TSHZ3: variants seen among roughly 807,000 people sequenced by gnomAD.
TSHZ3 encodes the protein teashirt zinc finger homeobox 3, also known as teashirt homolog 3.
Under a neutral mutation model 64.5 loss-of-function variants are expected in TSHZ3, and 10 were observed. The observed-to-expected ratio is 0.16, with a 90% CI of 0.10 to 0.26. The LOEUF (loss-of-function observed/expected upper bound fraction) is 0.26, where lower values mean the gene tolerates loss of function less well. Among genes scored for constraint, TSHZ3 ranks in the 10% least tolerant of loss-of-function variants. TSHZ3 has a pLI of 1.00. For synonymous variants in TSHZ3, 608 were observed against 593.1 expected (o/e 1.03, Z -0.36); for missense variants, 1,242 against 1,421.7 (o/e 0.87, Z 2.03).
chr19:31,350,008 A>G (rs891488716), upstream of TSHZ3, among the ~76,000 whole-genome samples: 8 of 124,264 alleles, frequency 6.4e-5, no homozygotes, highest in African/African-American at 2.4e-4. Context: ...GCGCGGCGCC[A>G]GCCCCGCCGA....
At chr19:31,294,194 C>T (rs1976624688) in intron 1 of TSHZ3, among the ~76,000 whole-genome samples, 1 of 152,192 alleles carries the variant, frequency 6.6e-6, no homozygotes, top group South Asian at 2.1e-4. Flanking sequence ...AAGTGACCTT[C>T]TTAAGGTCTG....
intron 3 of TSHZ3, among the ~76,000 whole-genome samples, chr19:31,232,255 G>A (rs767388970): frequency 6.6e-6 from 1 of 152,076 alleles, no homozygotes; most frequent in Non-Finnish European, 1.5e-5. Context: ...AGAGAATCGA[G>A]GACATGTTTG....
intron 1 of TSHZ3, among the ~76,000 whole-genome samples, chr19:31,288,863 A>AT (rs1976512045): frequency 6.6e-6 from 1 of 151,934 alleles, no homozygotes; most frequent in South Asian, 2.1e-4. Context: ...TCTGCATTGG[A>AT]TTTTTCTCTG....
At chr19:31,176,606 T>C (rs533645035) in intron 5 of TSHZ3, among the ~76,000 whole-genome samples, 5 of 152,100 alleles carry the variant, frequency 3.3e-5, no homozygotes, top group Admixed American at 2.0e-4. Flanking sequence ...CTGGGCAACA[T>C]AGCAAGACTC....
chr19:31,240,143 C>A (rs1975668952), intron 3 of TSHZ3, among the ~76,000 whole-genome samples: 1 of 151,996 alleles, frequency 6.6e-6, no homozygotes, highest in South Asian at 2.1e-4. Context: ...GTGCTCCTTA[C>A]AATTGTTTTC....
At chr19:31,260,087 T>G (rs1463804016) in intron 1 of TSHZ3, among the ~76,000 whole-genome samples, 1 of 152,178 alleles carries the variant, frequency 6.6e-6, no homozygotes, top group African/African-American at 2.4e-5. Flanking sequence ...AGGGCAGACA[T>G]GGGCCTCCTG....
chr19:31,238,049 G>A (rs1034171080), intron 3 of TSHZ3, among the ~76,000 whole-genome samples: 2 of 152,096 alleles, frequency 1.3e-5, no homozygotes, highest in African/African-American at 4.8e-5. Flanking sequence ...ATGTGCATTT[G>A]AAAATAATAC....
At chr19:31,165,496 T>C (rs1417228862) in intron 5 of TSHZ3, among the ~76,000 whole-genome samples, 1 of 152,186 alleles carries the variant, frequency 6.6e-6, no homozygotes, top group African/African-American at 2.4e-5. Flanking sequence ...ACAGATTGGA[T>C]GTAAACGAAG....
intron 5 of TSHZ3, among the ~76,000 whole-genome samples, chr19:31,180,721 C>T (rs142566648): frequency 1.2e-4 from 19 of 152,228 alleles, no homozygotes; most frequent in African/African-American, 4.3e-4. Flanking sequence ...TTCATACATG[C>T]GAGATGCTGA....
chr19:31,286,002 C>G (rs1268991489), intron 1 of TSHZ3, among the ~76,000 whole-genome samples: 2 of 152,052 alleles, frequency 1.3e-5, no homozygotes, highest in Non-Finnish European at 2.9e-5. Context: ...CAGAAGTGAT[C>G]AGGGACTAGC....
In TSHZ3 at chr19:31,277,673, G is replaced by T; in HGVS notation, c.2120C>A (p.Ala707Asp). Residue 707 changes from alanine to aspartate, a missense_variant, in exon 2 of 2, where the codon GCC (alanine) becomes GAC (aspartate). Around this residue, in one of 4 missense-constraint regions of TSHZ3, gnomAD observed 550 missense variants for 545.1 expected, o/e 1.01. Coordinates refer to ENST00000240587, the MANE Select transcript of TSHZ3 (RefSeq NM_020856.4). The surrounding 1 kb of genome is among the most constrained non-coding windows in gnomAD (Gnocchi z 4.5). ...PLASSLSGST[A>D]IITDHPPEQP... ...TTCAGGCGGGTGGTCGGTGATGATG[G>T]CCGTGCTGCCACTCAAACTGCTGGC... 6.5e-7 allele frequency: 1 copy of T among 1,528,486 alleles called. No individual in the cohort carries two copies. The highest frequency in any genetic ancestry group is 2.1e-5 in the Admixed American group (1 of 46,574). 94.7% of individuals were successfully genotyped at this position (1,528,486 alleles called of 1,614,324 possible).
At chr19:31,186,294 C>T (rs73031844) in intron 5 of TSHZ3, among the ~76,000 whole-genome samples, 16,799 of 152,124 alleles carry the variant, frequency 0.11, 1,202 homozygotes, top group Non-Finnish European at 0.17. Context: ...AGTTGTAGTT[C>T]CCATAATCCC....
At chr19:31,152,602 C>T (rs533157079) in intron 6 of TSHZ3, among the ~76,000 whole-genome samples, 83 of 152,214 alleles carry the variant, frequency 5.5e-4, no homozygotes, top group Non-Finnish European at 9.6e-4. Context: ...TGCCAGAGCT[C>T]TAGGGCCCTG....
At chr19:31,157,374 A>G (rs1284946051) in intron 5 of TSHZ3, among the ~76,000 whole-genome samples, 2 of 152,204 alleles carry the variant, frequency 1.3e-5, no homozygotes, top group Non-Finnish European at 2.9e-5. Flanking sequence ...ATAAAGTTGT[A>G]TTAGAAGATA....
At chr19:31,326,099 A>G (rs976490388) in intron 1 of TSHZ3, among the ~76,000 whole-genome samples, 1 of 152,262 alleles carries the variant, frequency 6.6e-6, no homozygotes, top group Non-Finnish European at 1.5e-5. Context: ...TAAACTGCAG[A>G]TATCCAAAGT....
At chr19:31,179,824 A>ATGG (rs1018359909) in intron 5 of TSHZ3, among the ~76,000 whole-genome samples, 4 of 99,184 alleles carry the variant, frequency 4.0e-5, no homozygotes, top group East Asian at 2.6e-4. Context: ...GGTGGTGATG[A>ATGG]TGGAGGTGGT....
chr19:31,191,281 A>G (rs2145138010), intron 5 of TSHZ3, among the ~76,000 whole-genome samples: 1 of 152,378 alleles, frequency 6.6e-6, no homozygotes, highest in African/African-American at 2.4e-5. Context: ...AAAAAAAATC[A>G]TAAAAGCAGC....
chr19:31,226,920 A>C (rs768084579), intron 4 of TSHZ3, among the ~76,000 whole-genome samples: 1 of 150,954 alleles, frequency 6.6e-6, no homozygotes, highest in Non-Finnish European at 1.5e-5. Flanking sequence ...CTTTTAGAGA[A>C]CTATCCCTTG....
chr19:31,215,647 C>T (rs1038302542), intron 4 of TSHZ3, among the ~76,000 whole-genome samples: 2 of 152,096 alleles, frequency 1.3e-5, no homozygotes, highest in East Asian at 1.9e-4. Flanking sequence ...CTGAGGCTGG[C>T]GGATCACGAG....
Sources: allele counts gnomAD v4.1 joint callset (sites outside exome capture counted in the v4.1 genomes callset), GRCh38; gene constraint gnomAD v4.1.1; regional missense constraint gnomAD v4.1.1; non-coding constraint Gnocchi (gnomAD v3.1); transcripts MANE v1.5; gene names NCBI Gene and HGNC (gene_info 2026-07-23, HGNC 2026-07-21).